The following RNF150 variants were observed in gnomAD, a reference collection of about 807,000 sequenced individuals.
The protein encoded by RNF150 is ring finger protein 150.
Under a neutral mutation model 39.3 loss-of-function variants are expected in RNF150, and 24 were observed. The observed-to-expected ratio is 0.61, with a 90% CI of 0.44 to 0.86. RNF150 has a LOEUF of 0.86. Among genes scored for constraint, RNF150 ranks in the 40% least tolerant of loss-of-function variants. The pLI, the probability that RNF150 is intolerant of heterozygous loss-of-function variation, is 0.00. For missense variants in RNF150, 502 were observed against 587.8 expected, an observed-to-expected ratio of 0.85 and a Z score of 1.51; for synonymous variants, 255 against 227.3, an observed-to-expected ratio of 1.12 and a Z score of -1.10.
At chr4:140,870,947 T>C (rs891321635) in intron 6 of RNF150, among the ~76,000 whole-genome samples, 7 of 151,940 alleles carry the variant, frequency 4.6e-5, no homozygotes, top group Non-Finnish European at 1.0e-4. Flanking sequence ...TTTTACTCAG[T>C]GCTCTCCTTA....
At chr4:140,986,932 T>C (rs1046259217) in intron 1 of RNF150, among the ~76,000 whole-genome samples, 7 of 152,080 alleles carry the variant, frequency 4.6e-5, no homozygotes, top group Non-Finnish European at 1.0e-4. Context: ...AGTTTCAGGA[T>C]ACAAAATCAA....
chr4:141,032,980 AC>A (rs1372157107), intron 1 of RNF150, among the ~76,000 whole-genome samples: 7 of 152,138 alleles, frequency 4.6e-5, no homozygotes, highest in Admixed American at 6.5e-5. Flanking sequence ...AGGGCTGCCG[AC>A]TGATCAGGGT....
At chr4:141,159,960 T>A (rs910515591) in intron 1 of RNF150, among the ~76,000 whole-genome samples, 2 of 152,100 alleles carry the variant, frequency 1.3e-5, no homozygotes, top group African/African-American at 4.8e-5. Context: ...TTCGCAACAA[T>A]TGTGATAATT....
chr4:141,116,921 C>T (rs1266087411), intron 1 of RNF150, among the ~76,000 whole-genome samples: 1 of 151,608 alleles, frequency 6.6e-6, no homozygotes, highest in Non-Finnish European at 1.5e-5. Context: ...TGTTCTTACT[C>T]ATAAGTGGGA....
chr4:141,021,790 G>A (rs535625459), intron 1 of RNF150, among the ~76,000 whole-genome samples: 4 of 152,188 alleles, frequency 2.6e-5, no homozygotes, highest in Non-Finnish European at 4.4e-5. Flanking sequence ...AGCCCAACAT[G>A]TGGGAATCAG....
At chr4:141,116,578 G>A (rs1246401670) in intron 1 of RNF150, among the ~76,000 whole-genome samples, 1 of 152,226 alleles carries the variant, frequency 6.6e-6, no homozygotes, top group Non-Finnish European at 1.5e-5. Context: ...AGAAGACAGT[G>A]TAGCAATTCC....
rs1174156602 is a variant in RNF150 at position 140,866,697 on chromosome 4, C to T, written c.*1564G>A. 1 of 152,128 alleles carries T rather than the reference C, an allele frequency of 6.6e-6. No homozygotes were observed. The highest frequency in any genetic ancestry group is 1.5e-5 in the Non-Finnish European group (1 of 68,022). The allele number at this position is 152,128 out of a possible 1,614,324, so 9.4% of individuals were successfully genotyped here. On this transcript the variant is annotated 3_prime_UTR_variant, in exon 7 of 7. Transcript: ENST00000515673. ...TAGTCTAATGAGGTGGAAAAGTCCC[C>T]ATCAATACATAAAAACAACTCAGTG...
chr4:141,053,325 G>A (rs185401687), intron 1 of RNF150, among the ~76,000 whole-genome samples: 1 of 151,954 alleles, frequency 6.6e-6, no homozygotes, highest in East Asian at 1.9e-4. Flanking sequence ...GAAGAATCAG[G>A]GTAAATGTAT....
intron 1 of RNF150, among the ~76,000 whole-genome samples, chr4:141,042,469 T>C (rs1736408405): frequency 6.6e-6 from 1 of 152,156 alleles, no homozygotes; most frequent in Non-Finnish European, 1.5e-5. Context: ...TAATTCAGAT[T>C]GGTCTTCCTT....
intron 1 of RNF150, among the ~76,000 whole-genome samples, chr4:141,183,877 T>C (rs993569658): frequency 6.6e-6 from 1 of 152,224 alleles, no homozygotes; most frequent in Non-Finnish European, 1.5e-5. Flanking sequence ...ATGGTGTATA[T>C]GTGCCATATT....
intron 2 of RNF150, among the ~76,000 whole-genome samples, chr4:140,965,876 T>C (rs575488316): frequency 6.6e-6 from 1 of 152,160 alleles, no homozygotes; most frequent in Admixed American, 6.6e-5. Flanking sequence ...GTATTAGAAA[T>C]TTCTGTTAAA....
Position 141,132,634 on chromosome 4 carries a change from C to T in RNF150, c.175G>A (p.Ala59Thr), listed in dbSNP as rs907216809. The change falls in exon 1 of 7, where the codon GCG becomes ACG. Residue 59 changes from alanine to threonine, a missense_variant. Ala to Thr is a moderately conservative substitution (Grantham distance 58). Coordinates refer to ENST00000515673, the MANE Select transcript of RNF150 (RefSeq NM_020724.2). This position sits in a 1 kb window ranked among gnomAD's most constrained non-coding sequence, Gnocchi z 4.9. ...AEPAPDPGAGAAGGGGAELHT... is the reference protein window; with the variant it reads ...AEPAPDPGAGTAGGGGAELHT... Reference sequence around the variant, plus strand: ...AGCTCCGCGCCGCCGCCGCCCGCCGCCCCGGCCCCGGGGTCCGGCGCGGGC... The same window carrying T: ...AGCTCCGCGCCGCCGCCGCCCGCCGTCCCGGCCCCGGGGTCCGGCGCGGGC... 27 of 1,582,694 alleles carry T rather than the reference C, an allele frequency of 1.7e-5. No homozygotes were observed. Among genetic ancestry groups the T allele is most frequent in the Non-Finnish European group, 2.1e-5 (25 of 1,168,284 alleles).
At position 141,132,825 on chromosome 4, in the gene RNF150, C is replaced by CCCCTCCCCGCCCCCGCG. The variant is rs1560754181; in HGVS notation, c.-34_-18dup. Reference sequence around the variant, plus strand: ...CATTGCCATCTTTATCCGCCGGGGCCCCCTCCCCGCCCCCGCGCCCTCCCT... The same window carrying CCCCTCCCCGCCCCCGCG: ...CATTGCCATCTTTATCCGCCGGGGCCCCCTCCCCGCCCCCGCGCCCTCCCCGCCCCCGCGCCCTCCCT... On this transcript the variant is annotated 5_prime_UTR_variant, in exon 1 of 7. Coordinates refer to ENST00000515673, the MANE Select transcript of RNF150 (RefSeq NM_020724.2). This position sits in a 1 kb window ranked among gnomAD's most constrained non-coding sequence, Gnocchi z 4.9. The CCCCTCCCCGCCCCCGCG allele has an allele frequency of 6.2e-7, 1 of 1,602,000 alleles. No individual in the cohort carries two copies.
intron 5 of RNF150, among the ~76,000 whole-genome samples, chr4:140,915,157 A>C (rs1730767279): frequency 6.6e-6 from 1 of 152,234 alleles, no homozygotes; most frequent in African/African-American, 2.4e-5. Context: ...AGCATAAGTA[A>C]GGAATGCAGA....
chr4:140,947,199 A>AT (rs1732350638), intron 4 of RNF150, among the ~76,000 whole-genome samples: 1 of 151,978 alleles, frequency 6.6e-6, no homozygotes, highest in Non-Finnish European at 1.5e-5. Context: ...AGGGCATGGG[A>AT]TCTGTCCTTG....
chr4:141,110,615 G>A (rs1267884605), intron 1 of RNF150, among the ~76,000 whole-genome samples: 1 of 144,432 alleles, frequency 6.9e-6, no homozygotes, highest in Admixed American at 6.7e-5. Context: ...GTCTTGCTAT[G>A]TTGACCAGGA....
At chr4:140,933,633 T>A (rs1377498382) in intron 4 of RNF150, among the ~76,000 whole-genome samples, 1 of 152,232 alleles carries the variant, frequency 6.6e-6, no homozygotes, top group Non-Finnish European at 1.5e-5. Context: ...GAAAATGAAG[T>A]TGGAAAATAT....
At chr4:141,189,854 C>T (rs1728074648) in intron 1 of RNF150, among the ~76,000 whole-genome samples, 1 of 152,210 alleles carries the variant, frequency 6.6e-6, no homozygotes, top group Admixed American at 6.5e-5. Context: ...GTGGGACCCA[C>T]TGAGCAAGAC....
chr4:140,968,333 C>G (rs1733330301), intron 1 of RNF150, among the ~76,000 whole-genome samples: 1 of 151,974 alleles, frequency 6.6e-6, no homozygotes, highest in South Asian at 2.1e-4. Flanking sequence ...CTCCCCCACA[C>G]AAACACTATG....
Sources: gnomAD v4.1 joint callset for allele counts (sites outside exome capture counted in the v4.1 genomes callset) on GRCh38, gnomAD v4.1.1 for gene constraint, Gnocchi (gnomAD v3.1) non-coding constraint, MANE v1.5 for transcripts, NCBI Gene and HGNC (gene_info 2026-07-23, HGNC 2026-07-21) for gene names.